Variants in IQGAP3 observed in about 807,000 individuals in gnomAD.
IQGAP3 encodes the protein ras GTPase-activating-like protein IQGAP3.
In IQGAP3, 165 loss-of-function variants were observed where a neutral mutation model predicts 208.2. The observed-to-expected ratio is 0.79, with a 90% CI of 0.70 to 0.90. The LOEUF (loss-of-function observed/expected upper bound fraction) is 0.90, where lower values mean the gene tolerates loss of function less well. Among genes scored for constraint, IQGAP3 ranks in the 40% least tolerant of loss-of-function variants. The pLI is 0.00. For missense variants in IQGAP3, 1,811 were observed against 2,043.1 expected, an observed-to-expected ratio of 0.89 and a Z score of 2.19; for synonymous variants, 703 against 803.6, an observed-to-expected ratio of 0.87 and a Z score of 2.12.
At chr1:156,571,465 GCACACACACACACACCCCTCCA>G (rs1553229874) in intron 1 of IQGAP3, among the ~76,000 whole-genome samples, 2 of 151,502 alleles carry the variant, frequency 1.3e-5, no homozygotes, top group Non-Finnish European at 2.9e-5. Context: ...ACACATGCGT[GCACACACACACACACCCCTCCA>G]AATACAGATT....
rs554347964 is a variant in IQGAP3 at position 156,545,000 on chromosome 1, C to T, written c.2305-528G>A. Reference sequence around the variant, plus strand: ...GAGCCGTGTGCTCACCATCTCTGCCCGCGGCCACCTGGGCAGCAGGTCACT... The same window carrying T: ...GAGCCGTGTGCTCACCATCTCTGCCTGCGGCCACCTGGGCAGCAGGTCACT... On this transcript the variant is annotated intron_variant, in intron 19 of 37. Coordinates refer to ENST00000361170, the MANE Select transcript of IQGAP3 (RefSeq NM_178229.5). Among the ~76,000 whole-genome samples the T allele has an allele frequency of 1.5e-4, 23 of 152,250 alleles. 1 individual carries two copies. The highest frequency in any genetic ancestry group is 5.5e-4 in the African/African-American group (23 of 41,554).
At chr1:156,539,127 C>T in intron 25 of IQGAP3, 94 bp from the exon 26 acceptor site, 1 of 1,051,284 alleles carries the variant, frequency 9.5e-7, no homozygotes, top group Non-Finnish European at 1.4e-6. Flanking sequence ...TCAAAGCCTG[C>T]CCTGGTGTCC....
At position 156,526,323 on chromosome 1, in the gene IQGAP3, T is replaced by C; in HGVS notation, c.*163A>G. On this transcript the variant is annotated 3_prime_UTR_variant, in exon 38 of 38. Transcript: ENST00000361170. The stretch of plus-strand genomic sequence containing the variant: ...AGCCAATTAGAAGATACACTGTCTG[T>C]GGCCAGGCAGGCAAGCTCCTCCCAG... 1 of 616,896 alleles carries C rather than the reference T, an allele frequency of 1.6e-6. No individual in the cohort carries two copies. Among genetic ancestry groups the C allele is most frequent in the Non-Finnish European group, 2.9e-6 (1 of 343,698 alleles). The allele number at this position is 616,896 out of a possible 1,614,324, so 38.2% of individuals were successfully genotyped here.
chr1:156,572,477 C>A lies in IQGAP3; in HGVS notation c.37+16G>T, dbSNP rs181119345. 8.0e-5 allele frequency: 128 copies of A among 1,609,266 alleles called. No homozygotes were observed. The African/African-American group carries it at 1.1e-3, about 13-fold the overall frequency. On this transcript the variant is annotated intron_variant, in intron 1 of 37. Transcript: ENST00000361170. ...GCACCACTGCGAGACCCTTCTCTGA[C>A]CCTCTCCGCACTCACAGGCTGCCCA...
Position 156,537,249 on chromosome 1 carries a change from G to A in IQGAP3, c.3354C>T (p.Ala1118=). ...CAGTCATGGCGAGGAGGTTGCGTAGGGCGATGTCCAGTCGTCTCTGGACCT... is the reference window on the plus strand; with the variant it reads ...CAGTCATGGCGAGGAGGTTGCGTAGAGCGATGTCCAGTCGTCTCTGGACCT... ...HPEVQRRLDI[A]LRNLLAMTDK... Residue 1118 remains alanine (A), a synonymous_variant, in exon 27 of 38, where the codon GCC becomes GCT. Coordinates refer to ENST00000361170, the MANE Select transcript of IQGAP3 (RefSeq NM_178229.5). 12 of 1,614,054 alleles carry A rather than the reference G, an allele frequency of 7.4e-6. No homozygotes were observed. Among genetic ancestry groups the A allele is most frequent in the Non-Finnish European group, 1.0e-5 (12 of 1,179,954 alleles).
intron 11 of IQGAP3, among the ~76,000 whole-genome samples, chr1:156,560,407 A>G (rs1750302): frequency 0.35 from 52,487 of 151,936 alleles, 9,386 homozygotes; most frequent in South Asian, 0.54. Flanking sequence ...GCTACTCGGG[A>G]GGCTGAGGCA....
intron 36 of IQGAP3, 105 bp from the exon 37 acceptor site, chr1:156,528,165 A>G (rs952459164): frequency 1.2e-6 from 1 of 852,824 alleles, no homozygotes; most frequent in Middle Eastern, 2.2e-4. Context: ...TGTCATCCAG[A>G]ACCAGTTTTC....
In IQGAP3 at chr1:156,525,729, C is replaced by CAAAAAAAAAAAAAAA. The variant is rs10611202; in HGVS notation, c.*742_*756dup. 6.2e-5 allele frequency: 5 copies of CAAAAAAAAAAAAAAA among 80,408 alleles called. No individual in the cohort carries two copies. Among genetic ancestry groups the CAAAAAAAAAAAAAAA allele is most frequent in the Non-Finnish European group, 6.6e-5 (3 of 45,222 alleles). 5.0% of individuals were successfully genotyped at this position (80,408 alleles called of 1,614,324 possible). On this transcript the variant is annotated 3_prime_UTR_variant, in exon 38 of 38. Transcript: ENST00000361170. ...GGAAAATGAGAACTCTCTTTGAGCT[C>CAAAAAAAAAAAAAAA]AAAAAAAAAAAAAAAAAAAAAAAAA...
chr1:156,529,044 CT>C lies in IQGAP3; in HGVS notation c.4442del (p.Lys1481ArgfsTer5). 1 of 1,614,232 alleles carries C rather than the reference CT, an allele frequency of 6.2e-7. No homozygotes were observed. The highest frequency in any genetic ancestry group is 8.5e-7 in the Non-Finnish European group (1 of 1,180,044). On this transcript the variant is annotated frameshift_variant, in exon 35 of 38. Transcript: ENST00000361170. LOFTEE classifies it high-confidence loss of function. ...TGGCCTGCAGCTTCACCAGCTCTGC[CT>C]TCCGCCTGTGCCTGTGTCTGTGCTG... The part of the protein sequence containing the change: ...RNQHRHRHRR[K>X]AELVKLQATL...
chr1:156,552,081 A>T lies in IQGAP3; in HGVS notation c.1463T>A (p.Leu488Gln). The change falls in exon 14 of 38, where the codon CTG becomes CAG. Residue 488 changes from leucine (L) to glutamine (Q), a missense_variant. Transcript: ENST00000361170. The stretch of plus-strand genomic sequence containing the variant: ...CCCACGCTCCTGTCGCAATTTCAGC[A>T]GGGCATCGAAGTAACTGGCAGTGGG... Reference protein sequence around the residue: ...GENAQRYFDALLKLRQERGMG... With the variant: ...GENAQRYFDAQLKLRQERGMG... The T allele has an allele frequency of 6.2e-7, 1 of 1,614,136 alleles. No homozygotes were observed. The highest frequency in any genetic ancestry group is 8.5e-7 in the Non-Finnish European group (1 of 1,179,992).
chr1:156,562,676 T>A lies in IQGAP3; in HGVS notation c.799-11A>T, dbSNP rs201478785. 5 of 1,611,884 alleles carry A rather than the reference T, an allele frequency of 3.1e-6. No homozygotes were observed. The South Asian group carries it at 4.4e-5, about 14-fold the overall frequency. ...GCTTTCTCTGTCATCCTGCAAAAAC[T>A]CCATTGAAAGGGAACCTGGGAAACC... On this transcript the variant is annotated splice_polypyrimidine_tract_variant and intron_variant, in intron 8 of 37. Transcript: ENST00000361170.
In IQGAP3 at chr1:156,544,236, A is replaced by C. The variant is rs1237007074; in HGVS notation, c.2389-13T>G. The stretch of plus-strand genomic sequence containing the variant: ...CCCAGGCCTGGATCTGGGAGAAGAA[A>C]CACACTGCCTCAGCTCCAGCTTGGG... On this transcript the variant is annotated splice_polypyrimidine_tract_variant and intron_variant, in intron 20 of 37. Transcript: ENST00000361170. 3.1e-6 allele frequency: 5 copies of C among 1,613,842 alleles called. No individual in the cohort carries two copies. The highest frequency in any genetic ancestry group is 4.2e-6 in the Non-Finnish European group (5 of 1,179,930).
rs770110480 is a variant in IQGAP3 at position 156,554,369 on chromosome 1, G to A, written c.1314C>T (p.Phe438=). ...QQGELGQEEL[F]VAVEMLSAVV... is the part of the protein sequence containing the mutation. ...CAGCTGAGAGCATCTCCACAGCCAC[G>A]AAGAGCTCCTCCTGGCCAAGCTCCT... Residue 438 remains phenylalanine (F), a synonymous_variant, in exon 13 of 38, where the codon TTC becomes TTT. Transcript: ENST00000361170. 10 of 1,608,858 alleles carry A rather than the reference G, an allele frequency of 6.2e-6. No individual in the cohort carries two copies. Among genetic ancestry groups the A allele is most frequent in the Admixed American group, 5.1e-5 (3 of 58,272 alleles).
chr1:156,533,254 G>A, intron 31 of IQGAP3, 148 bp from the exon 32 acceptor site: 1 of 985,710 alleles, frequency 1.0e-6, no homozygotes, highest in Non-Finnish European at 1.5e-6. Context: ...ACACTGGCCT[G>A]CAGAACTACC....
At position 156,548,215 on chromosome 1, in the gene IQGAP3, T is replaced by C. The variant is rs201085704; in HGVS notation, c.2162A>G (p.Tyr721Cys). The C allele has an allele frequency of 1.5e-5, 25 of 1,613,962 alleles. No individual in the cohort carries two copies. Among genetic ancestry groups the C allele is most frequent in the African/African-American group, 4.0e-5 (3 of 74,922 alleles). ...QSAVTKVTAA[Y>C]DRQQLWKANV... ...GGCTTTCCAGAGCTGTTGGCGGTCA[T>C]AGGCAGCAGTGACCTTGGTGACAGC... Residue 721 changes from tyrosine to cysteine, a missense_variant, in exon 19 of 38, where the codon TAT (tyrosine) becomes TGT (cysteine). Transcript: ENST00000361170.
chr1:156,539,750 T>C, intron 24 of IQGAP3, 88 bp downstream of exon 24: 1 of 1,462,854 alleles, frequency 6.8e-7, no homozygotes, highest in Non-Finnish European at 9.5e-7. Context: ...ACACCTTGCA[T>C]GGTGCCAAAC....
intron 19 of IQGAP3, among the ~76,000 whole-genome samples, chr1:156,547,166 T>C (rs1486174331): frequency 6.6e-6 from 1 of 152,128 alleles, no homozygotes. Flanking sequence ...GCCTCATGTC[T>C]CAATTACTTA....
At chr1:156,528,822 C>G (rs1674238599) in intron 35 of IQGAP3, 94 bp downstream of exon 35, 1 of 1,431,912 alleles carries the variant, frequency 7.0e-7, no homozygotes, top group South Asian at 1.2e-5. Context: ...GGTGAGATTC[C>G]CCTTTCAAAG....
chr1:156,552,521 A>G (rs4661180), intron 13 of IQGAP3, among the ~76,000 whole-genome samples: 133,638 of 152,250 alleles, frequency 0.88, 59,953 homozygotes, highest in East Asian at 0.97. Flanking sequence ...CGTCTCTCCC[A>G]TCTTGCCCCA....
Sources: gnomAD v4.1 joint callset for allele counts (sites outside exome capture counted in the v4.1 genomes callset) on GRCh38, gnomAD v4.1.1 for gene constraint, MANE v1.5 for transcripts, NCBI Gene and HGNC (gene_info 2026-07-23, HGNC 2026-07-21) for gene names.